CDH20: variants seen among roughly 807,000 people sequenced by gnomAD.
CDH20 encodes cadherin 20.
CDH20 carries 29 observed loss-of-function variants against 74.2 expected under a neutral mutation model. The observed-to-expected ratio is 0.39, with a 90% CI of 0.29 to 0.53. CDH20 has a LOEUF of 0.53. Ranked by LOEUF, CDH20 falls within the 20% of genes least tolerant of loss-of-function variation. The pLI is 0.69. For missense variants in CDH20, 988 were observed against 1,048.3 expected, an observed-to-expected ratio of 0.94 and a Z score of 0.79; for synonymous variants, 469 against 405.4, an observed-to-expected ratio of 1.16 and a Z score of -1.88.
intron 1 of CDH20, among the ~76,000 whole-genome samples, chr18:61,466,233 A>G (rs1028618186): frequency 3.3e-5 from 5 of 152,136 alleles, no homozygotes; most frequent in African/African-American, 4.8e-5. Flanking sequence ...AATAATTCCA[A>G]TAGTGATTCT....
intron 1 of CDH20, among the ~76,000 whole-genome samples, chr18:61,405,520 G>A (rs1363313206): frequency 2.0e-5 from 3 of 152,164 alleles, no homozygotes; most frequent in East Asian, 1.9e-4. Context: ...CCAGGAGTTC[G>A]AGACTGCAGT....
chr18:61,515,875 A>G (rs1177238788), intron 6 of CDH20, among the ~76,000 whole-genome samples: 3 of 151,796 alleles, frequency 2.0e-5, no homozygotes, highest in Admixed American at 6.6e-5. Flanking sequence ...ACATGTATAC[A>G]TATGTAACTA....
At chr18:61,373,336 T>C (rs1911107137) in intron 1 of CDH20, among the ~76,000 whole-genome samples, 1 of 152,036 alleles carries the variant, frequency 6.6e-6, no homozygotes, top group Non-Finnish European at 1.5e-5. Flanking sequence ...TTATTGTGCA[T>C]AAAACCCACA....
chr18:61,395,460 T>C (rs916514006), intron 1 of CDH20, among the ~76,000 whole-genome samples: 4 of 152,184 alleles, frequency 2.6e-5, no homozygotes, highest in Admixed American at 6.5e-5. Flanking sequence ...ATGCCTTCCA[T>C]ACATGTGTGG....
At chr18:61,336,474 G>A (rs1281397159) in intron 1 of CDH20, among the ~76,000 whole-genome samples, 1 of 152,178 alleles carries the variant, frequency 6.6e-6, no homozygotes, top group Non-Finnish European at 1.5e-5. Context: ...TCAAAGACCT[G>A]CAGCTGTTGG....
chr18:61,411,078 T>C (rs918677036), intron 1 of CDH20, among the ~76,000 whole-genome samples: 1 of 151,986 alleles, frequency 6.6e-6, no homozygotes, highest in Non-Finnish European at 1.5e-5. Flanking sequence ...CGGGAGCCTG[T>C]AGTCCCAGCT....
chr18:61,538,964 C>CT (rs5825446), intron 8 of CDH20, 60 bp from the exon 9 acceptor site: 1,339,551 of 1,539,906 alleles, frequency 0.87, 584,090 homozygotes, highest in Admixed American at 0.92. Flanking sequence ...AACCATTACT[C>CT]TTTTTTTTCT....
At chr18:61,406,486 G>T (rs950945126) in intron 1 of CDH20, among the ~76,000 whole-genome samples, 1 of 152,210 alleles carries the variant, frequency 6.6e-6, no homozygotes, top group African/African-American at 2.4e-5. Flanking sequence ...TTGGAGGGGA[G>T]TCTCTTCCTG....
chr18:61,544,852 C>A (rs1913177275), intron 9 of CDH20, among the ~76,000 whole-genome samples, 175 bp from the exon 10 acceptor site: 1 of 152,182 alleles, frequency 6.6e-6, no homozygotes, highest in African/African-American at 2.4e-5. Flanking sequence ...ATGGAGCCCT[C>A]ACCAGGAACC....
intron 10 of CDH20, chr18:61,549,760 T>C: frequency 1.8e-6 from 1 of 552,760 alleles, no homozygotes; most frequent in Admixed American, 3.2e-5. Context: ...AGAGGCTTTC[T>C]CTTCTTAGGC....
At chr18:61,455,016 G>A (rs1599096756) in intron 1 of CDH20, among the ~76,000 whole-genome samples, 1 of 152,250 alleles carries the variant, frequency 6.6e-6, no homozygotes, top group East Asian at 1.9e-4. Flanking sequence ...GCTTTCCAAG[G>A]CAGTAAAACC....
At chr18:61,476,227 T>C (rs1910378299) in intron 1 of CDH20, among the ~76,000 whole-genome samples, 2 of 152,238 alleles carry the variant, frequency 1.3e-5, no homozygotes, top group East Asian at 1.9e-4. Flanking sequence ...AGAGCCTTGA[T>C]TGCAACTGCC....
chr18:61,395,565 C>T (rs1911936225), intron 1 of CDH20, among the ~76,000 whole-genome samples: 1 of 152,150 alleles, frequency 6.6e-6, no homozygotes, highest in African/African-American at 2.4e-5. Flanking sequence ...TGCCCCTGGT[C>T]ACATTCCAGC....
At chr18:61,492,191 C>T (rs1051659110) in intron 2 of CDH20, among the ~76,000 whole-genome samples, 6 of 152,108 alleles carry the variant, frequency 3.9e-5, no homozygotes, top group African/African-American at 1.4e-4. Flanking sequence ...CCAACACCCA[C>T]CCATTATTTC....
chr18:61,536,739 A>C, intron 8 of CDH20, 110 bp downstream of exon 8: 1 of 944,030 alleles, frequency 1.1e-6, no homozygotes, highest in African/African-American at 1.6e-5. Context: ...TAAGGGAAGA[A>C]ATGGAAATCA....
chr18:61,541,490 T>C (rs1047238744), intron 9 of CDH20, among the ~76,000 whole-genome samples: 13 of 152,290 alleles, frequency 8.5e-5, no homozygotes, highest in African/African-American at 2.9e-4. Flanking sequence ...CTCTCCTGTT[T>C]TTGTAATCAA....
chr18:61,423,914 T>G (rs911218031), intron 1 of CDH20, among the ~76,000 whole-genome samples: 11 of 152,210 alleles, frequency 7.2e-5, no homozygotes, highest in African/African-American at 2.4e-4. Flanking sequence ...TTCAAAGATT[T>G]TAATCCTTTC....
intron 1 of CDH20, among the ~76,000 whole-genome samples, chr18:61,426,668 A>G (rs115073716): frequency 0.024 from 3,615 of 152,288 alleles, 154 homozygotes; most frequent in African/African-American, 0.082. Flanking sequence ...TGCTTGTCCC[A>G]CAAGGACTGA....
At chr18:61,417,716 T>C (rs1205442479) in intron 1 of CDH20, among the ~76,000 whole-genome samples, 1 of 151,456 alleles carries the variant, frequency 6.6e-6, no homozygotes, top group East Asian at 2.0e-4. Context: ...TATAGTTAGA[T>C]AGGAGGAGTA....
Sources: allele counts gnomAD v4.1 joint callset (sites outside exome capture counted in the v4.1 genomes callset), GRCh38; gene constraint gnomAD v4.1.1; transcripts MANE v1.5; gene names NCBI Gene and HGNC (gene_info 2026-07-23, HGNC 2026-07-21).